ANKRD23: variants seen among roughly 807,000 people sequenced by gnomAD.
ANKRD23 encodes the protein ankyrin repeat domain-containing protein 23.
A neutral mutation model predicts 38.1 loss-of-function variants in ANKRD23; 52 were observed. That is an observed-to-expected ratio of 1.36 (90% confidence interval 1.09 to 1.72). ANKRD23 has a LOEUF of 1.72. Among genes scored for constraint, ANKRD23 ranks in the 40% most tolerant of loss-of-function variants. The probability of loss-of-function intolerance (pLI) is 0.00; values close to 1 mark genes in which losing one functional copy is unlikely to be tolerated. For missense variants in ANKRD23, 416 were observed against 400.2 expected, an observed-to-expected ratio of 1.04 and a Z score of -0.34; for synonymous variants, 167 against 162.9, an observed-to-expected ratio of 1.03 and a Z score of -0.19.
At position 96,839,370 on chromosome 2, in the gene ANKRD23, T is replaced by G. The variant is rs1002618897; in HGVS notation, c.*179A>C. ...TGACACTCGAAGCCAGGGAGGCCTCTCTCTTTGCCTGCTGGGCCCGGTGCC... is the reference window on the plus strand; with the variant it reads ...TGACACTCGAAGCCAGGGAGGCCTCGCTCTTTGCCTGCTGGGCCCGGTGCC... On this transcript the variant is annotated 3_prime_UTR_variant, in exon 9 of 9. Coordinates refer to ENST00000318357, the MANE Select transcript of ANKRD23 (RefSeq NM_144994.8). 8.0e-7 allele frequency: 1 copy of G among 1,256,112 alleles called. No homozygotes were observed. 77.8% of individuals were successfully genotyped at this position (1,256,112 alleles called of 1,614,324 possible).
At position 96,839,401 on chromosome 2, in the gene ANKRD23, TC is replaced by T; in HGVS notation, c.*147del. Reference sequence around the variant, plus strand: ...TGCCTGCTGGGCCCGGTGCCGCTCTTCAGTTCTGCCAGGGCTGCTGAGGCGG... The same window carrying T: ...TGCCTGCTGGGCCCGGTGCCGCTCTTAGTTCTGCCAGGGCTGCTGAGGCGG... On this transcript the variant is annotated 3_prime_UTR_variant, in exon 9 of 9. Transcript: ENST00000318357. 7.8e-7 allele frequency: 1 copy of T among 1,274,664 alleles called. No individual in the cohort carries two copies. Among genetic ancestry groups the T allele is most frequent in the Admixed American group, 3.7e-5 (1 of 26,806 alleles). The allele number at this position is 1,274,664 out of a possible 1,614,324, so 79.0% of individuals were successfully genotyped here. A position where few individuals can be genotyped will look rare whatever the true frequency, so the allele number is the denominator to read the frequency against.
Position 96,840,500 on chromosome 2 carries a change from G to A in ANKRD23, c.441C>T (p.Ala147=). 1 of 1,613,934 alleles carries A rather than the reference G, an allele frequency of 6.2e-7. No homozygotes were observed. The highest frequency in any genetic ancestry group is 2.2e-5 in the East Asian group (1 of 44,880). The change falls in exon 5 of 9, where the codon GCC becomes GCT. Residue 147 remains alanine (A), a synonymous_variant. Coordinates refer to ENST00000318357, the MANE Select transcript of ANKRD23 (RefSeq NM_144994.8). ...GACCCTTCAGACAGGCCCAGTGCAA[G>A]GCGGTGCGGTGGAGCTGAGGGCAGA... ...PNAHDKLHRT[A]LHWACLKGHS... is the part of the protein sequence containing the mutation.
intron 1 of ANKRD23, among the ~76,000 whole-genome samples, 154 bp downstream of exon 1, chr2:96,843,812 C>CA (rs2079786295): frequency 6.6e-6 from 1 of 152,136 alleles, no homozygotes; most frequent in African/African-American, 2.4e-5. Context: ...GACTCCGTTT[C>CA]AAAAAATACA....
intron 3 of ANKRD23, among the ~76,000 whole-genome samples, chr2:96,841,783 C>G (rs898530493): frequency 2.0e-5 from 3 of 152,284 alleles, no homozygotes; most frequent in African/African-American, 7.2e-5. Flanking sequence ...CCCTCACCAC[C>G]CTCAGAGGGA....
chr2:96,839,573 C>T lies in ANKRD23; in HGVS notation c.894G>A (p.Val298=), dbSNP rs1286335434. ...RGIREALQAH[V]AHPRTRC Reference sequence around the variant, plus strand: ...GTCAGCACCGGGTGCGGGGATGCGCCACGTGGGCCTGCAGGGCCTCCCGGA... The same window carrying T: ...GTCAGCACCGGGTGCGGGGATGCGCTACGTGGGCCTGCAGGGCCTCCCGGA... The change falls in exon 9 of 9, where the codon GTG becomes GTA. Residue 298 remains valine, a synonymous_variant. Transcript: ENST00000318357. 1.4e-6 allele frequency: 2 copies of T among 1,469,178 alleles called. No individual in the cohort carries two copies. The highest frequency in any genetic ancestry group is 1.8e-6 in the Non-Finnish European group (2 of 1,114,118). 91.0% of individuals were successfully genotyped at this position (1,469,178 alleles called of 1,614,324 possible).
At chr2:96,841,055 A>G in intron 3 of ANKRD23, 143 bp from the exon 4 acceptor site, 1 of 980,916 alleles carries the variant, frequency 1.0e-6, no homozygotes, top group East Asian at 2.6e-5. Context: ...TTCTTATTCT[A>G]ATCCCACGCC....
Position 96,839,312 on chromosome 2 carries a change from CTGCT to C in ANKRD23, c.*233_*236del, listed in dbSNP as rs2079729612. 4 of 1,239,120 alleles carry C rather than the reference CTGCT, an allele frequency of 3.2e-6. No individual in the cohort carries two copies. The highest frequency in any genetic ancestry group is 3.0e-6 in the Non-Finnish European group (3 of 992,814). The allele number at this position is 1,239,120 out of a possible 1,614,324, so 76.8% of individuals were successfully genotyped here. On this transcript the variant is annotated 3_prime_UTR_variant, in exon 9 of 9. Transcript: ENST00000318357. ...GCGCTTTCTGCTGCCTTGTGGTCCT[CTGCT>C]CCAGCCCTGGGAGGGAACGCGGCTC...
rs952107204 is a variant in ANKRD23, at chr2:96,839,261, C to T, written c.*288G>A. The T allele has an allele frequency of 1.7e-6, 2 of 1,179,158 alleles. No homozygotes were observed. The highest frequency in any genetic ancestry group is 8.2e-5 in the South Asian group (2 of 24,330). The allele number at this position is 1,179,158 out of a possible 1,614,324, so 73.0% of individuals were successfully genotyped here. A position where few individuals can be genotyped will look rare whatever the true frequency, so the allele number is the denominator to read the frequency against. ...GCTCGTTCTTGGCCCTCACTCTCCTCCCCTTCCTGGCCCTCATCTGGACCC... is the reference window on the plus strand; with the variant it reads ...GCTCGTTCTTGGCCCTCACTCTCCTTCCCTTCCTGGCCCTCATCTGGACCC... On this transcript the variant is annotated 3_prime_UTR_variant, in exon 9 of 9. Transcript: ENST00000318357.
At chr2:96,839,891 G>A in intron 7 of ANKRD23, 66 bp from the exon 8 acceptor site, 1 of 1,559,194 alleles carries the variant, frequency 6.4e-7, no homozygotes, top group South Asian at 1.2e-5. Context: ...AGGAAGGTCA[G>A]GGCTGCTGTC....
chr2:96,838,744 C>A lies in ANKRD23; in HGVS notation c.*805G>T, dbSNP rs12616570. The A allele has an allele frequency of 1.0e-6, 1 of 985,524 alleles. No homozygotes were observed. Among genetic ancestry groups the A allele is most frequent in the African/African-American group, 1.7e-5 (1 of 57,246 alleles). The allele number at this position is 985,524 out of a possible 1,614,324, so 61.0% of individuals were successfully genotyped here. On this transcript the variant is annotated 3_prime_UTR_variant, in exon 9 of 9. Coordinates refer to ENST00000318357, the MANE Select transcript of ANKRD23 (RefSeq NM_144994.8). ...CCCCATGAGAGCCGCCAGCAGGCAACGGTGTGCCAGGCCGGCCTGAGCGGG... is the reference window on the plus strand; with the variant it reads ...CCCCATGAGAGCCGCCAGCAGGCAAAGGTGTGCCAGGCCGGCCTGAGCGGG...
intron 3 of ANKRD23, among the ~76,000 whole-genome samples, chr2:96,841,535 C>G (rs1171091880): frequency 2.8e-5 from 4 of 141,832 alleles, no homozygotes; most frequent in South Asian, 4.4e-4. Context: ...GGAGGCAGAG[C>G]TTGCAGTAAT....
At position 96,843,922 on chromosome 2, in the gene ANKRD23, A is replaced by T. The variant is rs776260814; in HGVS notation, c.27+44T>A. The T allele has an allele frequency of 3.1e-6, 5 of 1,590,488 alleles. No homozygotes were observed. The Admixed American group carries it at 9.0e-5, about 29-fold the overall frequency. On this transcript the variant is annotated intron_variant, in intron 1 of 8. Transcript: ENST00000318357. The stretch of plus-strand genomic sequence containing the variant: ...CCTCTCTAGCCAGCCTCCTCCTATC[A>T]AGCCGGTCCCAGGGTGCCTCCCACC...
rs1034648881 is a variant in ANKRD23 at position 96,839,077 on chromosome 2, G to T, written c.*472C>A. On this transcript the variant is annotated 3_prime_UTR_variant, in exon 9 of 9. Transcript: ENST00000318357. Reference sequence around the variant, plus strand: ...GCATGGCCTGCCTTGGCTGCACCTTGTACATCCTGGATGGCATCTGCCGGC... The same window carrying T: ...GCATGGCCTGCCTTGGCTGCACCTTTTACATCCTGGATGGCATCTGCCGGC... 1.0e-6 allele frequency: 1 copy of T among 987,874 alleles called. No individual in the cohort carries two copies. Among genetic ancestry groups the T allele is most frequent in the African/African-American group, 1.7e-5 (1 of 57,422 alleles). 61.2% of individuals were successfully genotyped at this position (987,874 alleles called of 1,614,324 possible).
intron 8 of ANKRD23, 32 bp downstream of exon 8, chr2:96,839,695 G>T: frequency 6.3e-7 from 1 of 1,599,554 alleles, no homozygotes; most frequent in Non-Finnish European, 8.5e-7. Context: ...ACCCGCCCTC[G>T]GGTCAGGAGC....
chr2:96,839,741 C>G lies in ANKRD23; in HGVS notation c.808G>C (p.Gly270Arg). ...KLLLLYGAELGVRNAASVTPV... is the reference protein window; with the variant it reads ...KLLLLYGAELRVRNAASVTPV... ...CCCACACTCACCGCGTTCCGCACCCCCAGCTCGGCCCCATAGAGCAGCAGT... is the reference window on the plus strand; with the variant it reads ...CCCACACTCACCGCGTTCCGCACCCGCAGCTCGGCCCCATAGAGCAGCAGT... Residue 270 changes from glycine (G) to arginine (R), a missense_variant, in exon 8 of 9, where the codon GGG (glycine) becomes CGG (arginine). Coordinates refer to ENST00000318357, the MANE Select transcript of ANKRD23 (RefSeq NM_144994.8). 1.2e-6 allele frequency: 2 copies of G among 1,613,236 alleles called. No individual in the cohort carries two copies. The highest frequency in any genetic ancestry group is 8.5e-7 in the Non-Finnish European group (1 of 1,179,912).
Position 96,839,735 on chromosome 2 carries a change from G to A in ANKRD23, c.814C>T (p.Arg272Trp), listed in dbSNP as rs1190578055. The A allele has an allele frequency of 6.2e-7, 1 of 1,612,946 alleles. No homozygotes were observed. The highest frequency in any genetic ancestry group is 8.5e-7 in the Non-Finnish European group (1 of 1,179,814). Residue 272 changes from arginine to tryptophan, a missense_variant, in exon 8 of 9, where the codon CGG (arginine) becomes TGG (tryptophan). Arg to Trp is a moderately radical substitution (Grantham distance 101, BLOSUM62 -3). Transcript: ENST00000318357. ...GCTGCGCCCACACTCACCGCGTTCC[G>A]CACCCCCAGCTCGGCCCCATAGAGC... ...LLLYGAELGV[R>W]NAASVTPVQL...
chr2:96,842,398 C>T lies in ANKRD23; in HGVS notation c.141G>A (p.Glu47=). 5 of 1,597,644 alleles carry T rather than the reference C, an allele frequency of 3.1e-6. No homozygotes were observed. Among genetic ancestry groups the T allele is most frequent in the Middle Eastern group, 1.7e-4 (1 of 5,976 alleles). ...TCTTCTCTTCTTCCAATTTCAGCTT[C>T]TCCCGGGCCACAGCCTCTTGGGGGC... The part of the protein sequence containing the change: ...RRGPQEAVAR[E]KLKLEEEKKK... Residue 47 remains glutamate, a synonymous_variant, in exon 2 of 9, where the codon GAG becomes GAA. Transcript: ENST00000318357.
chr2:96,840,641 C>G (rs2079749525), intron 4 of ANKRD23, 127 bp from the exon 5 acceptor site: 7 of 1,508,384 alleles, frequency 4.6e-6, no homozygotes, highest in Non-Finnish European at 6.4e-6. Context: ...ATGGGCCGCT[C>G]CCTCTCCTCC....
intron 1 of ANKRD23, among the ~76,000 whole-genome samples, chr2:96,842,924 G>A (rs1181234078): frequency 6.6e-6 from 1 of 152,172 alleles, no homozygotes; most frequent in Non-Finnish European, 1.5e-5. Context: ...AAGCTCAGAG[G>A]GACAGAGAAG....
Sources: gnomAD v4.1 joint callset for allele counts (sites outside exome capture counted in the v4.1 genomes callset) on GRCh38, gnomAD v4.1.1 for gene constraint, MANE v1.5 for transcripts, NCBI Gene and HGNC (gene_info 2026-07-23, HGNC 2026-07-21) for gene names.